The following DOCK3 variants were observed in gnomAD, a reference collection of about 807,000 sequenced individuals.
DOCK3 encodes dedicator of cytokinesis 3, also known as dedicator of cytokinesis protein 3.
Under a neutral mutation model 265.6 loss-of-function variants are expected in DOCK3, and 60 were observed. That is an observed-to-expected ratio of 0.23 (90% CI 0.18 to 0.28). DOCK3 has a LOEUF of 0.28. DOCK3 is among the 10% of genes least tolerant of loss of function. The pLI is 1.00. For missense variants in DOCK3, 1,981 were observed against 2,594.3 expected (o/e 0.76, Z 5.14); for synonymous variants, 881 against 938.0 (o/e 0.94, Z 1.11).
intron 5 of DOCK3, among the ~76,000 whole-genome samples, chr3:51,017,177 T>C (rs535577624): frequency 8.6e-5 from 13 of 150,652 alleles, no homozygotes; most frequent in Non-Finnish European, 1.5e-4. Context: ...TAGTTTTTCA[T>C]AGTAGCCACT....
At position 51,355,011 on chromosome 3, in the gene DOCK3, T is replaced by G. The variant is rs1438219897; in HGVS notation, c.4237T>G (p.Cys1413Gly). ...PNHPDDAILQ[C>G]DAQYLQIYAV... ...CCATCCTGATGACGCCATCCTACAG[T>G]GCGATGCCCAGTGTATCCTTTGATA... is the stretch of plus-strand genomic sequence containing the variant. The change falls in exon 41 of 53, where the codon TGC (cysteine) becomes GGC (glycine). Residue 1413 changes from cysteine (C) to glycine (G), a missense_variant. Physicochemically the swap from Cys to Gly is radical, Grantham distance 159. Around this residue, in one of 4 missense-constraint regions of DOCK3, gnomAD observed 1,357 missense variants for 1,866.8 expected, o/e 0.73. Coordinates refer to ENST00000266037, the MANE Select transcript of DOCK3 (RefSeq NM_004947.5). 3 of 1,613,544 alleles carry G rather than the reference T, an allele frequency of 1.9e-6. No homozygotes were observed. The African/African-American group carries it at 4.0e-5, about 22-fold the overall frequency.
intron 9 of DOCK3, among the ~76,000 whole-genome samples, chr3:51,126,454 C>T (rs2084270659): frequency 6.6e-6 from 1 of 152,110 alleles, no homozygotes; most frequent in Admixed American, 6.5e-5. Context: ...TTCTTTAGTC[C>T]CCATGGGTGT....
chr3:50,793,633 C>A (rs1256659397), intron 2 of DOCK3, among the ~76,000 whole-genome samples: 1 of 152,192 alleles, frequency 6.6e-6, no homozygotes, highest in Non-Finnish European at 1.5e-5. Flanking sequence ...GCTGGGATTA[C>A]AGGCGTGAGC....
At chr3:50,806,657 T>G (rs1351358027) in intron 2 of DOCK3, among the ~76,000 whole-genome samples, 1 of 151,968 alleles carries the variant, frequency 6.6e-6, no homozygotes, top group South Asian at 2.1e-4. Context: ...CAGGCAATCT[T>G]GAGCCCAAGC....
chr3:50,740,572 G>T (rs573140149), intron 1 of DOCK3, among the ~76,000 whole-genome samples: 1 of 152,226 alleles, frequency 6.6e-6, no homozygotes, highest in South Asian at 2.1e-4. Flanking sequence ...CTATAGGTGT[G>T]TAGTGGTATC....
chr3:50,852,478 T>C (rs748113474), intron 3 of DOCK3, among the ~76,000 whole-genome samples: 6 of 152,236 alleles, frequency 3.9e-5, no homozygotes, highest in Non-Finnish European at 7.3e-5. Flanking sequence ...GTTTTGTCTT[T>C]ATTATGGTTA....
At chr3:51,162,512 G>A (rs578009085) in intron 12 of DOCK3, among the ~76,000 whole-genome samples, 10 of 152,294 alleles carry the variant, frequency 6.6e-5, no homozygotes, top group African/African-American at 2.2e-4. Flanking sequence ...GAACCTGCTT[G>A]TTTATATGCC....
At chr3:50,821,323 T>C (rs1056536070) in intron 2 of DOCK3, among the ~76,000 whole-genome samples, 3 of 151,864 alleles carry the variant, frequency 2.0e-5, no homozygotes, top group Non-Finnish European at 4.4e-5. Flanking sequence ...TTTCTGAGAC[T>C]GAGTCTCACT....
intron 7 of DOCK3, among the ~76,000 whole-genome samples, chr3:51,079,691 C>T (rs1422921271): frequency 6.6e-6 from 1 of 151,986 alleles, no homozygotes; most frequent in Non-Finnish European, 1.5e-5. Flanking sequence ...AGAGGAAGTC[C>T]TTAGTGCTCT....
rs530217528 is a variant in DOCK3 at position 51,128,991 on chromosome 3, T to C, written c.747-17558T>C. On this transcript the variant is annotated intron_variant, in intron 9 of 52. Transcript: ENST00000266037. ...GGTCACCTGTTGGTGAACATTCACA[T>C]GGGATACAAATATCTTCACAGTTTC... Among the ~76,000 whole-genome samples, 133 of 152,334 alleles carry C rather than the reference T, an allele frequency of 8.7e-4. 3 individuals are homozygous for C. The South Asian group carries it at 0.027, about 31-fold the overall frequency.
intron 7 of DOCK3, among the ~76,000 whole-genome samples, chr3:51,087,321 G>A (rs377106545): frequency 5.5e-4 from 84 of 152,286 alleles, no homozygotes; most frequent in African/African-American, 1.7e-3. Context: ...TGATGCAAGC[G>A]TGGTTCAACA....
chr3:51,320,282 A>G (rs555830274), intron 32 of DOCK3, among the ~76,000 whole-genome samples: 11 of 152,338 alleles, frequency 7.2e-5, no homozygotes, highest in African/African-American at 2.6e-4. Flanking sequence ...AATCCGGCCC[A>G]GATACTGCAC....
intron 5 of DOCK3, among the ~76,000 whole-genome samples, chr3:51,013,039 G>C (rs2079014038): frequency 6.6e-6 from 1 of 152,110 alleles, no homozygotes; most frequent in African/African-American, 2.4e-5. Flanking sequence ...ATTCTAGTTA[G>C]CCATTCATCT....
chr3:50,712,406 C>T (rs749727733), intron 1 of DOCK3, among the ~76,000 whole-genome samples: 3 of 152,142 alleles, frequency 2.0e-5, no homozygotes, highest in East Asian at 1.9e-4. Context: ...GGCATGATCT[C>T]GGCTCACTGC....
chr3:51,284,400 C>G (rs923719354), intron 27 of DOCK3, among the ~76,000 whole-genome samples: 10 of 152,156 alleles, frequency 6.6e-5, no homozygotes, highest in African/African-American at 1.9e-4. Context: ...TTTACAGTTA[C>G]CTCCCGAAGG....
At chr3:50,919,151 T>C (rs2050294214) in intron 4 of DOCK3, among the ~76,000 whole-genome samples, 1 of 152,246 alleles carries the variant, frequency 6.6e-6, no homozygotes, top group African/African-American at 2.4e-5. Context: ...CATGCTGTTT[T>C]GGTTACTGCA....
chr3:51,358,152 A>G (rs1036788094), intron 46 of DOCK3, 75 bp downstream of exon 46: 5 of 1,474,170 alleles, frequency 3.4e-6, no homozygotes, highest in Non-Finnish European at 4.7e-6. Context: ...CCACAAACCA[A>G]AGGAAAATAG....
intron 5 of DOCK3, among the ~76,000 whole-genome samples, chr3:51,022,435 C>T (rs574366093): frequency 5.3e-5 from 8 of 152,240 alleles, no homozygotes; most frequent in African/African-American, 1.9e-4. Flanking sequence ...CTTTCTTTGA[C>T]TTAAAAGAAC....
intron 27 of DOCK3, among the ~76,000 whole-genome samples, chr3:51,299,613 C>G (rs1020872278): frequency 6.6e-6 from 1 of 152,116 alleles, no homozygotes; most frequent in South Asian, 2.1e-4. Flanking sequence ...AGGAAGGTGT[C>G]CAGCTTCAAT....
Sources: gnomAD v4.1 joint callset for allele counts (sites outside exome capture counted in the v4.1 genomes callset) on GRCh38, gnomAD v4.1.1 for gene constraint, gnomAD v4.1.1 regional missense constraint, MANE v1.5 for transcripts, NCBI Gene and HGNC (gene_info 2026-07-23, HGNC 2026-07-21) for gene names.